The following CCDC102B variants were observed in gnomAD, a reference collection of about 807,000 sequenced individuals.
The protein encoded by CCDC102B is coiled-coil domain containing 102B.
A neutral mutation model predicts 57.4 loss-of-function variants in CCDC102B; 75 were observed. The observed-to-expected ratio is 1.31, with a 90% CI of 1.08 to 1.58. CCDC102B has a LOEUF of 1.58. CCDC102B is among the 40% of genes most tolerant of loss of function. CCDC102B has a pLI of 0.00. For missense variants in CCDC102B, 636 were observed against 582.6 expected (o/e 1.09, Z -0.94); for synonymous variants, 206 against 201.9 (o/e 1.02, Z -0.17).
chr18:68,758,457 A>G (rs949514867), intron 2 of CCDC102B, among the ~76,000 whole-genome samples: 3 of 152,052 alleles, frequency 2.0e-5, no homozygotes, highest in African/African-American at 4.8e-5. Flanking sequence ...GTTTAAGACA[A>G]TCTATACAGG....
At chr18:69,015,856 T>A (rs2145407110) in intron 7 of CCDC102B, among the ~76,000 whole-genome samples, 1 of 152,080 alleles carries the variant, frequency 6.6e-6, no homozygotes, top group Admixed American at 6.5e-5. Context: ...CATTTTTTTA[T>A]TTTTATTTTT....
chr18:68,959,944 T>C (rs1329543990), intron 6 of CCDC102B, among the ~76,000 whole-genome samples: 1 of 152,068 alleles, frequency 6.6e-6, no homozygotes, highest in Non-Finnish European at 1.5e-5. Flanking sequence ...AGCCAAGGCC[T>C]GGACTCAGGT....
At chr18:68,900,056 A>T (rs1208508574) in intron 6 of CCDC102B, 1 of 152,152 alleles carries the variant, frequency 6.6e-6, no homozygotes, top group African/African-American at 2.4e-5. Flanking sequence ...ATCTATATTT[A>T]AAGCATAAAC....
intron 4 of CCDC102B, among the ~76,000 whole-genome samples, chr18:68,852,229 G>A (rs924103512): frequency 1.3e-5 from 2 of 152,118 alleles, no homozygotes; most frequent in Non-Finnish European, 2.9e-5. Flanking sequence ...TTGCTGCAAT[G>A]CCAGTTTCTT....
intron 5 of CCDC102B, among the ~76,000 whole-genome samples, chr18:68,876,572 C>T (rs2039457545): frequency 6.6e-6 from 1 of 151,958 alleles, no homozygotes; most frequent in South Asian, 2.1e-4. Context: ...TTTAAATCTC[C>T]TGTATCTCAA....
intron 2 of CCDC102B, among the ~76,000 whole-genome samples, chr18:68,739,915 G>A (rs1424095432): frequency 6.6e-6 from 1 of 152,144 alleles, no homozygotes; most frequent in Non-Finnish European, 1.5e-5. Context: ...TTCTGAAAAA[G>A]CAACTTGTGT....
chr18:68,800,071 T>G (rs1223214398), intron 1 of CCDC102B, among the ~76,000 whole-genome samples: 1 of 152,078 alleles, frequency 6.6e-6, no homozygotes, highest in East Asian at 1.9e-4. Context: ...TACATACATA[T>G]CCACAATTTT....
At chr18:68,997,100 C>T (rs1172390453) in intron 6 of CCDC102B, among the ~76,000 whole-genome samples, 1 of 152,082 alleles carries the variant, frequency 6.6e-6, no homozygotes, top group Admixed American at 6.5e-5. Flanking sequence ...AAAGAAGGTG[C>T]CTTGCTTCCC....
At chr18:68,973,793 A>G (rs1181738300) in intron 6 of CCDC102B, among the ~76,000 whole-genome samples, 1 of 152,084 alleles carries the variant, frequency 6.6e-6, no homozygotes, top group East Asian at 1.9e-4. Context: ...CACAAAGAAC[A>G]TTTTTCAGAA....
intron 1 of CCDC102B, among the ~76,000 whole-genome samples, chr18:68,830,502 G>C (rs774198948): frequency 1.4e-5 from 2 of 147,632 alleles, no homozygotes; most frequent in Non-Finnish European, 3.0e-5. Context: ...TTGTGGCTTT[G>C]TTCACTAAAA....
chr18:68,951,055 T>C lies in CCDC102B; in HGVS notation c.1263+53627T>C, dbSNP rs954106028. Among the ~76,000 whole-genome samples, 39 of 152,096 alleles carry C rather than the reference T, an allele frequency of 2.6e-4. 1 individual carries two copies. Among genetic ancestry groups the C allele is most frequent in the Admixed American group, 6.6e-5 (1 of 15,242 alleles). Reference sequence around the variant, plus strand: ...TATTAGTCATATGGAAAAAGACTGATTGTGTAGGATTTGAATATTGTGGAG... The same window carrying C: ...TATTAGTCATATGGAAAAAGACTGACTGTGTAGGATTTGAATATTGTGGAG... On this transcript the variant is annotated intron_variant, in intron 6 of 7. Coordinates refer to ENST00000360242, the MANE Select transcript of CCDC102B (RefSeq NM_024781.3).
intron 7 of CCDC102B, among the ~76,000 whole-genome samples, chr18:69,013,043 C>T (rs1355432936): frequency 1.3e-5 from 2 of 150,496 alleles, no homozygotes; most frequent in Non-Finnish European, 2.9e-5. Context: ...AAAAAAAAAA[C>T]ATTATATCAA....
chr18:68,857,136 TATTATATATAAATATA>T (rs1162701894), intron 4 of CCDC102B, among the ~76,000 whole-genome samples: 1 of 60,456 alleles, frequency 1.7e-5, no homozygotes, highest in African/African-American at 7.4e-5. Flanking sequence ...TATTTTTATA[TATTATATATAAATATA>T]TTTATATATT....
intron 6 of CCDC102B, among the ~76,000 whole-genome samples, chr18:68,997,660 A>G (rs1449326174): frequency 6.6e-6 from 1 of 151,618 alleles, no homozygotes; most frequent in Non-Finnish European, 1.5e-5. Context: ...TTTAATTTTG[A>G]TCTTTTATAT....
intron 2 of CCDC102B, chr18:68,754,710 T>G (rs1309980533): frequency 6.6e-6 from 1 of 152,172 alleles, no homozygotes; most frequent in East Asian, 1.9e-4. Context: ...TGTTACGGAC[T>G]GAATGTGTCT....
At chr18:68,782,643 C>T (rs2035045440) in intron 2 of CCDC102B, among the ~76,000 whole-genome samples, 1 of 152,136 alleles carries the variant, frequency 6.6e-6, no homozygotes, top group Non-Finnish European at 1.5e-5. Context: ...TGTCTTCACT[C>T]TCTAATTTCC....
chr18:68,957,928 G>A lies in CCDC102B; in HGVS notation c.1264-53006G>A, dbSNP rs148916980. ...ATATTTTCACTATTGGCATGTATTT[G>A]TCCGTTTTCAAGCTGCTGATAAAGA... On this transcript the variant is annotated intron_variant, in intron 6 of 7. Transcript: ENST00000360242. Among the ~76,000 whole-genome samples, 1,479 of 151,892 alleles carry A rather than the reference G, an allele frequency of 9.7e-3. 9 individuals are homozygous for A. The highest frequency in any genetic ancestry group is 0.014 in the Middle Eastern group (4 of 294).
At chr18:68,975,996 T>C (rs1330444314) in intron 6 of CCDC102B, among the ~76,000 whole-genome samples, 1 of 151,996 alleles carries the variant, frequency 6.6e-6, no homozygotes, top group African/African-American at 2.4e-5. Context: ...TCAATAGAAA[T>C]ACAGATGCCT....
intron 6 of CCDC102B, among the ~76,000 whole-genome samples, chr18:68,957,551 C>G (rs1555733488): frequency 1.0e-5 from 1 of 97,772 alleles, no homozygotes; most frequent in Non-Finnish European, 1.9e-5. Context: ...TAATGTGATT[C>G]TTCCAGTTTT....
Sources: gnomAD v4.1 joint callset for allele counts (sites outside exome capture counted in the v4.1 genomes callset) on GRCh38, gnomAD v4.1.1 for gene constraint, MANE v1.5 for transcripts, NCBI Gene and HGNC (gene_info 2026-07-23, HGNC 2026-07-21) for gene names.